Variants in AOAH observed in about 807,000 individuals in gnomAD.
The protein encoded by AOAH is acyloxyacyl hydrolase (neutrophil).
A neutral mutation model predicts 92.2 loss-of-function variants in AOAH; 64 were observed. That is an observed-to-expected ratio of 0.69 (90% CI 0.57 to 0.86). The LOEUF (loss-of-function observed/expected upper bound fraction) is 0.86, where lower values mean the gene tolerates loss of function less well. AOAH is among the 40% of genes least tolerant of loss of function. The probability of loss-of-function intolerance (pLI) is 0.00; values close to 1 mark genes in which losing one functional copy is unlikely to be tolerated. For synonymous variants in AOAH, 263 were observed against 254.5 expected, an observed-to-expected ratio of 1.03 and a Z score of -0.32; for missense variants, 656 against 694.6, an observed-to-expected ratio of 0.94 and a Z score of 0.62.
At chr7:36,567,277 T>G (rs1787781673) in intron 13 of AOAH, among the ~76,000 whole-genome samples, 1 of 152,136 alleles carries the variant, frequency 6.6e-6, no homozygotes, top group Non-Finnish European at 1.5e-5. Context: ...GGCAGCAGAA[T>G]AGTGATTTTA....
At chr7:36,695,805 A>T (rs986520397) in intron 1 of AOAH, among the ~76,000 whole-genome samples, 1 of 152,232 alleles carries the variant, frequency 6.6e-6, no homozygotes, top group Non-Finnish European at 1.5e-5. Flanking sequence ...AAGTGGTTAA[A>T]TTGGATAAAG....
chr7:36,588,490 AG>A (rs1347173009), intron 12 of AOAH, among the ~76,000 whole-genome samples: 1 of 152,272 alleles, frequency 6.6e-6, no homozygotes, highest in Non-Finnish European at 1.5e-5. Flanking sequence ...TAATTATAAC[AG>A]GGCTAATCAT....
intron 1 of AOAH, among the ~76,000 whole-genome samples, chr7:36,699,230 A>G (rs866440925): frequency 6.6e-6 from 1 of 152,060 alleles, no homozygotes; most frequent in Non-Finnish European, 1.5e-5. Context: ...GGTTGAGTTC[A>G]TATTTTGGCT....
chr7:36,603,282 C>A (rs1367864283), intron 11 of AOAH, among the ~76,000 whole-genome samples: 2 of 152,150 alleles, frequency 1.3e-5, no homozygotes, highest in African/African-American at 4.8e-5. Flanking sequence ...CCTCTCCCAC[C>A]CCCGTCAACA....
At chr7:36,526,250 G>A (rs973602371) in intron 19 of AOAH, among the ~76,000 whole-genome samples, 2 of 151,350 alleles carry the variant, frequency 1.3e-5, no homozygotes, top group African/African-American at 4.9e-5. Context: ...TTTATTTACA[G>A]AGGTAAACAT....
intron 16 of AOAH, among the ~76,000 whole-genome samples, chr7:36,535,775 T>C (rs1486310133): frequency 1.3e-5 from 2 of 152,058 alleles, no homozygotes; most frequent in East Asian, 3.9e-4. Context: ...TTATGTCATC[T>C]TTTCTCAAAA....
chr7:36,682,410 A>G, intron 2 of AOAH, among the ~76,000 whole-genome samples: 1 of 152,236 alleles, frequency 6.6e-6, no homozygotes. Context: ...AATTTCACAT[A>G]AAAATGAGCA....
chr7:36,701,203 A>G (rs570444339), intron 1 of AOAH, among the ~76,000 whole-genome samples: 6 of 152,102 alleles, frequency 3.9e-5, no homozygotes, highest in African/African-American at 1.4e-4. Flanking sequence ...ATTGATAATT[A>G]CTTTATTGCA....
At chr7:36,688,891 G>GTGTGTATATACACATGTATA (rs1371270104) in intron 1 of AOAH, among the ~76,000 whole-genome samples, 2 of 151,966 alleles carry the variant, frequency 1.3e-5, no homozygotes, top group African/African-American at 4.8e-5. Flanking sequence ...GGGTATACTT[G>GTGTGTATATACACATGTATA]TGTGTATATA....
At chr7:36,709,555 G>A (rs541121224) in intron 1 of AOAH, among the ~76,000 whole-genome samples, 4 of 152,172 alleles carry the variant, frequency 2.6e-5, no homozygotes, top group East Asian at 1.9e-4. Flanking sequence ...ACCTTCATGC[G>A]ATCATCATCA....
chr7:36,521,099 C>T (rs980692837), intron 20 of AOAH, among the ~76,000 whole-genome samples: 3 of 152,034 alleles, frequency 2.0e-5, no homozygotes, highest in Admixed American at 6.5e-5. Context: ...GTCATTCAGG[C>T]TCTTGAGGGG....
chr7:36,717,165 A>T (rs944452539), intron 1 of AOAH, among the ~76,000 whole-genome samples: 27 of 152,138 alleles, frequency 1.8e-4, no homozygotes, highest in African/African-American at 6.5e-4. Context: ...CCACGTCCTC[A>T]GGTCTTCTGG....
intron 16 of AOAH, among the ~76,000 whole-genome samples, chr7:36,539,956 T>TTACC (rs1785311804): frequency 6.6e-6 from 1 of 152,216 alleles, no homozygotes; most frequent in Non-Finnish European, 1.5e-5. Context: ...CAGGAAGCAC[T>TTACC]TACCATTGAG....
chr7:36,558,466 C>G (rs1478300484), intron 13 of AOAH, among the ~76,000 whole-genome samples: 1 of 152,260 alleles, frequency 6.6e-6, no homozygotes, highest in Non-Finnish European at 1.5e-5. Flanking sequence ...GGCAGTCTGC[C>G]TGTTCTCAGA....
At chr7:36,561,645 C>G (rs76620503) in intron 13 of AOAH, among the ~76,000 whole-genome samples, 9 of 152,244 alleles carry the variant, frequency 5.9e-5, no homozygotes, top group African/African-American at 2.2e-4. Context: ...GATAATAGAT[C>G]AGGAGATGTT....
In AOAH at chr7:36,513,143, G is replaced by A; in HGVS notation, c.*109C>T. On this transcript the variant is annotated 3_prime_UTR_variant, in exon 21 of 21. Transcript: ENST00000617537. ...GACATTTTGCAAAGATGCTGCTGAA[G>A]AAGAGTCCTTTGGGCCTGTGACGTG... The A allele has an allele frequency of 1.2e-5, 20 of 1,612,146 alleles. No homozygotes were observed. The highest frequency in any genetic ancestry group is 1.7e-5 in the Non-Finnish European group (20 of 1,179,974).
At chr7:36,524,471 C>T (rs1234566027) in intron 19 of AOAH, among the ~76,000 whole-genome samples, 1 of 149,242 alleles carries the variant, frequency 6.7e-6, no homozygotes, top group Non-Finnish European at 1.5e-5. Context: ...ATAGTGAAAC[C>T]CCGTCTCTAC....
intron 2 of AOAH, among the ~76,000 whole-genome samples, chr7:36,676,455 A>G (rs551489693): frequency 6.6e-6 from 1 of 152,364 alleles, no homozygotes; most frequent in Admixed American, 6.5e-5. Flanking sequence ...AAGAAGTTAA[A>G]GTAGACCTAA....
At chr7:36,687,699 TATGTCCTACAA>T (rs1161029526) in intron 1 of AOAH, among the ~76,000 whole-genome samples, 1 of 152,154 alleles carries the variant, frequency 6.6e-6, no homozygotes, top group Non-Finnish European at 1.5e-5. Flanking sequence ...AAGGAAGGTT[TATGTCCTACAA>T]AATGTTCCAA....
Sources: allele counts gnomAD v4.1 joint callset (sites outside exome capture counted in the v4.1 genomes callset), GRCh38; gene constraint gnomAD v4.1.1; transcripts MANE v1.5; gene names NCBI Gene and HGNC (gene_info 2026-07-23, HGNC 2026-07-21).